The following OGFOD3 variants were observed in gnomAD, a reference collection of about 807,000 sequenced individuals.
OGFOD3 encodes 2-oxoglutarate and iron-dependent oxygenase domain-containing protein 3.
In OGFOD3, 35 loss-of-function variants were observed where a neutral mutation model predicts 39.8. The ratio of observed to expected loss-of-function variants is 0.88; its 90% confidence interval spans 0.67 to 1.17. The LOEUF is 1.17. Ranked by LOEUF, OGFOD3 falls within the 50% of genes most tolerant of loss-of-function variation. The pLI is 0.00. For missense variants in OGFOD3, 438 were observed against 454.5 expected (o/e 0.96, Z 0.33); for synonymous variants, 200 against 192.0 (o/e 1.04, Z -0.34).
At chr17:82,409,723 C>T (rs1484842771) in intron 3 of OGFOD3, among the ~76,000 whole-genome samples, 5 of 152,138 alleles carry the variant, frequency 3.3e-5, no homozygotes, top group Admixed American at 6.5e-5. Context: ...GGTGAAACCT[C>T]GTCTCAACTA....
At chr17:82,403,229 G>T (rs1392479026) in intron 7 of OGFOD3, among the ~76,000 whole-genome samples, 1 of 152,124 alleles carries the variant, frequency 6.6e-6, no homozygotes, top group Non-Finnish European at 1.5e-5. Flanking sequence ...GGCCGTGTGG[G>T]CCGGGTTCTC....
chr17:82,408,466 C>T (rs1247514870), intron 4 of OGFOD3, among the ~76,000 whole-genome samples: 3 of 152,186 alleles, frequency 2.0e-5, no homozygotes, highest in African/African-American at 7.2e-5. Flanking sequence ...AACAGGAGGG[C>T]GAGGCCACAG....
intron 4 of OGFOD3, among the ~76,000 whole-genome samples, chr17:82,408,660 C>T (rs1366800448): frequency 6.6e-6 from 1 of 152,170 alleles, no homozygotes; most frequent in African/African-American, 2.4e-5. Flanking sequence ...GCACTGCTCC[C>T]ATCTCTGCCT....
rs1599695607 is a variant in OGFOD3, at chr17:82,404,984, A to G, written c.545+340T>C. On this transcript the variant is annotated intron_variant, in intron 6 of 8. Transcript: ENST00000313056. The surrounding 1 kb of genome is among the most constrained non-coding windows in gnomAD (Gnocchi z 4.5). ...TCGAACTCCTGACCTCAGGTGATCC[A>G]CCCGCCTCGCCTCCCAAAGTGCTGG... 6.6e-6 allele frequency among the ~76,000 whole-genome samples: 1 copy of G among 151,662 alleles called. No individual in the cohort carries two copies. The highest frequency in any genetic ancestry group is 1.5e-5 in the Non-Finnish European group (1 of 67,882).
intron 7 of OGFOD3, among the ~76,000 whole-genome samples, chr17:82,402,584 TA>T (rs1324786748): frequency 6.6e-6 from 1 of 151,062 alleles, no homozygotes; most frequent in Non-Finnish European, 1.5e-5. Flanking sequence ...CCATCTCTAC[TA>T]AAAATACAAA....
chr17:82,394,453 C>A, intron 8 of OGFOD3: 1 of 1,614,016 alleles, frequency 6.2e-7, no homozygotes, highest in Non-Finnish European at 8.5e-7. Context: ...CGGAGGACAC[C>A]TGACTCCAGC....
intron 3 of OGFOD3, among the ~76,000 whole-genome samples, chr17:82,411,246 C>G (rs1392360859): frequency 6.6e-6 from 1 of 151,878 alleles, no homozygotes; most frequent in East Asian, 1.9e-4. Context: ...AGGGTTTCAC[C>G]ATGTTGCCCA....
intron 2 of OGFOD3, among the ~76,000 whole-genome samples, chr17:82,413,323 C>T (rs2052982473): frequency 6.6e-6 from 1 of 152,130 alleles, no homozygotes; most frequent in Admixed American, 6.6e-5. Flanking sequence ...GGGCAGCAGA[C>T]AGCAGACAGC....
At chr17:82,394,522 A>G in intron 8 of OGFOD3, 1 of 1,612,062 alleles carries the variant, frequency 6.2e-7, no homozygotes, top group African/African-American at 1.3e-5. Flanking sequence ...CCCACAAGAC[A>G]TCATCCGGAA....
Position 82,392,691 on chromosome 17 carries a change from A to G in OGFOD3, c.824-157T>C. The G allele has an allele frequency of 2.3e-6, 2 of 883,824 alleles. No homozygotes were observed. Among genetic ancestry groups the G allele is most frequent in the Non-Finnish European group, 3.4e-6 (2 of 593,074 alleles). 54.7% of individuals were successfully genotyped at this position (883,824 alleles called of 1,614,324 possible). ...CCCCTCTGGGAACTGCTTCTGCAGG[A>G]AGGAGGAGCTGGAGAAACAAACGCA... On this transcript the variant is annotated intron_variant, in intron 8 of 8. Transcript: ENST00000313056. This position sits in a 1 kb window ranked among gnomAD's most constrained non-coding sequence, Gnocchi z 4.2.
intron 2 of OGFOD3, among the ~76,000 whole-genome samples, chr17:82,411,945 G>A (rs1599702800): frequency 1.3e-5 from 2 of 151,700 alleles, no homozygotes. Context: ...GAGACCACCA[G>A]GGAGGAAAAC....
rs2052604330 is a variant in OGFOD3, at chr17:82,392,098, G to A, written c.*300C>T. On this transcript the variant is annotated 3_prime_UTR_variant, in exon 9 of 9. Transcript: ENST00000313056. This position sits in a 1 kb window ranked among gnomAD's most constrained non-coding sequence, Gnocchi z 4.2. Reference sequence around the variant, plus strand: ...GAGTCCCGGGGGGTTGCTGAACCTGGGTGGATGAGTCCCGTCCATTCACAG... The same window carrying A: ...GAGTCCCGGGGGGTTGCTGAACCTGAGTGGATGAGTCCCGTCCATTCACAG... 1 of 404,930 alleles carries A rather than the reference G, an allele frequency of 2.5e-6. No individual in the cohort carries two copies. The highest frequency in any genetic ancestry group is 2.1e-5 in the African/African-American group (1 of 48,740). The allele number at this position is 404,930 out of a possible 1,614,324, so 25.1% of individuals were successfully genotyped here.
chr17:82,401,633 G>A (rs1377436954), intron 7 of OGFOD3, among the ~76,000 whole-genome samples: 7 of 150,738 alleles, frequency 4.6e-5, no homozygotes, highest in African/African-American at 9.8e-5. Context: ...GTGAAACCCC[G>A]TCTCTACTAA....
Position 82,405,321 on chromosome 17 carries a change from T to C in OGFOD3, c.545+3A>G. ...AACCCCCACCCGCCTCACTCCTCCT[T>C]ACCGGTATAACCGGAAGTCCTCCTC... On this transcript the variant is annotated splice_donor_region_variant and intron_variant, in intron 6 of 8. Transcript: ENST00000313056. 1.2e-6 allele frequency: 2 copies of C among 1,613,756 alleles called. No homozygotes were observed. Among genetic ancestry groups the C allele is most frequent in the Non-Finnish European group, 1.7e-6 (2 of 1,179,630 alleles).
At chr17:82,403,730 G>C (rs2052802745) in intron 7 of OGFOD3, among the ~76,000 whole-genome samples, 1 of 151,980 alleles carries the variant, frequency 6.6e-6, no homozygotes, top group Admixed American at 6.5e-5. Flanking sequence ...GCCTCACCTT[G>C]ACCACATGCG....
In OGFOD3 at chr17:82,415,410, G is replaced by A. The variant is rs375729780; in HGVS notation, c.292C>T (p.Arg98Cys). ...VPCSEDYDSH[R>C]RFEGCTPRKC... ...TTTCCTGAACTACCTTCGAACCTGC[G>A]GTGACTGTCGTAGTCCTCAGAGCAG... Residue 98 changes from arginine (R) to cysteine (C), a missense_variant, in exon 2 of 9, where the codon CGC (arginine) becomes TGC (cysteine). Physicochemically the swap from Arg to Cys is radical, Grantham distance 180. Transcript: ENST00000313056. The surrounding 1 kb of genome is among the most constrained non-coding windows in gnomAD (Gnocchi z 5.3). 5.6e-6 allele frequency: 9 copies of A among 1,613,166 alleles called. No homozygotes were observed. The highest frequency in any genetic ancestry group is 3.3e-5 in the Admixed American group (2 of 59,980).
rs767573284 is a variant in OGFOD3 at position 82,404,091 on chromosome 17, C to T, written c.546-1G>A. The T allele has an allele frequency of 1.3e-6, 2 of 1,588,076 alleles. No individual in the cohort carries two copies. Among genetic ancestry groups the T allele is most frequent in the South Asian group, 1.1e-5 (1 of 87,074 alleles). The stretch of plus-strand genomic sequence containing the variant: ...GAGCTGGACCTTCTGCCGCACCTCC[C>T]TGCAGAGGACACAATAGCCGTCAGC... On this transcript the variant is annotated splice_acceptor_variant, in intron 6 of 8. Coordinates refer to ENST00000313056, the MANE Select transcript of OGFOD3 (RefSeq NM_024648.3). LOFTEE classifies it high-confidence loss of function. This position sits in a 1 kb window ranked among gnomAD's most constrained non-coding sequence, Gnocchi z 4.5.
At position 82,392,547 on chromosome 17, in the gene OGFOD3, AAG is replaced by A; in HGVS notation, c.824-15_824-14del. On this transcript the variant is annotated splice_polypyrimidine_tract_variant and intron_variant, in intron 8 of 8. Transcript: ENST00000313056. The surrounding 1 kb of genome is among the most constrained non-coding windows in gnomAD (Gnocchi z 4.2). Reference sequence around the variant, plus strand: ...AAGGAGACGCGACCTGGGAGAGGAGAAGAGAGAGAGGTGGCCATAGAGCCACA... The same window carrying A: ...AAGGAGACGCGACCTGGGAGAGGAGAAGAGAGAGGTGGCCATAGAGCCACA... 2.5e-6 allele frequency: 4 copies of A among 1,575,774 alleles called. No individual in the cohort carries two copies. The highest frequency in any genetic ancestry group is 2.3e-5 in the East Asian group (1 of 42,720).
Position 82,398,240 on chromosome 17 carries a change from A to G in OGFOD3, c.779T>C (p.Met260Thr), listed in dbSNP as rs1401840304. The change falls in exon 8 of 9, where the codon ATG becomes ACG. Residue 260 changes from methionine to threonine, a missense_variant. Met to Thr is a moderately conservative substitution (Grantham distance 81, BLOSUM62 -1). Coordinates refer to ENST00000313056, the MANE Select transcript of OGFOD3 (RefSeq NM_024648.3). ...YLEDFGGGRF[M>T]FMEEGANKTV... ...CTTGTTGGCACCCTCCTCCATGAACATGAACCGCCCTCCGCCGAAGTCCTC... is the reference window on the plus strand; with the variant it reads ...CTTGTTGGCACCCTCCTCCATGAACGTGAACCGCCCTCCGCCGAAGTCCTC... 2.5e-6 allele frequency: 4 copies of G among 1,614,018 alleles called. No homozygotes were observed. Among genetic ancestry groups the G allele is most frequent in the South Asian group, 1.1e-5 (1 of 91,084 alleles).
Sources: gnomAD v4.1 joint callset for allele counts (sites outside exome capture counted in the v4.1 genomes callset) on GRCh38, gnomAD v4.1.1 for gene constraint, Gnocchi (gnomAD v3.1) non-coding constraint, MANE v1.5 for transcripts, NCBI Gene and HGNC (gene_info 2026-07-23, HGNC 2026-07-21) for gene names.